The following NEIL3 variants were observed in gnomAD, a reference collection of about 807,000 sequenced individuals.
NEIL3 encodes endonuclease 8-like 3.
Under a neutral mutation model 57.5 loss-of-function variants are expected in NEIL3, and 48 were observed. The observed-to-expected ratio is 0.83, with a 90% CI of 0.66 to 1.06. The LOEUF (loss-of-function observed/expected upper bound fraction) is 1.06, where lower values mean the gene tolerates loss of function less well. Among genes scored for constraint, NEIL3 ranks in the 50% least tolerant of loss-of-function variants. The pLI, the probability that NEIL3 is intolerant of heterozygous loss-of-function variation, is 0.00. For missense variants in NEIL3, 717 were observed against 739.1 expected (o/e 0.97, Z 0.35); for synonymous variants, 261 against 253.2 (o/e 1.03, Z -0.29).
the NEIL3 span, among the ~76,000 whole-genome samples, chr4:177,368,539 G>A: frequency 6.6e-6 from 1 of 152,160 alleles, no homozygotes; most frequent in South Asian, 2.1e-4. Context: ...ATGTTCACTT[G>A]CTTAAGAAAT....
At chr4:177,358,558 C>T (rs1735537294) in intron 8 of NEIL3, among the ~76,000 whole-genome samples, 1 of 152,152 alleles carries the variant, frequency 6.6e-6, no homozygotes, top group South Asian at 2.1e-4. Flanking sequence ...CCGCCCGGCT[C>T]AGCCTCCCAA....
chr4:177,362,552 GA>G lies in NEIL3; in HGVS notation c.*83del. 4.3e-5 allele frequency: 46 copies of G among 1,081,426 alleles called. No individual in the cohort carries two copies. The highest frequency in any genetic ancestry group is 5.7e-5 in the Non-Finnish European group (43 of 755,430). 67.0% of individuals were successfully genotyped at this position (1,081,426 alleles called of 1,614,324 possible). A position where few individuals can be genotyped will look rare whatever the true frequency, so the allele number is the denominator to read the frequency against. ...TCCTCTGTTTCATAGAAAAGTCATAGAATATCTATGATACATTGAAAAGTTA... is the reference window on the plus strand; with the variant it reads ...TCCTCTGTTTCATAGAAAAGTCATAGATATCTATGATACATTGAAAAGTTA... On this transcript the variant is annotated 3_prime_UTR_variant, in exon 10 of 10. Coordinates refer to ENST00000264596, the MANE Select transcript of NEIL3 (RefSeq NM_018248.3).
At chr4:177,369,937 T>C in the NEIL3 span, among the ~76,000 whole-genome samples, 4 of 152,218 alleles carry the variant, frequency 2.6e-5, no homozygotes, top group Non-Finnish European at 5.9e-5. Context: ...GCTACTGTTA[T>C]GTGTCACAAC....
In NEIL3 at chr4:177,338,591, G is replaced by C. The variant is rs34025590; in HGVS notation, c.628-1192G>C. On this transcript the variant is annotated intron_variant, in intron 4 of 9. Transcript: ENST00000264596. ...CAGGCAACAAGCATGAGGCATCAGA[G>C]GGTTTCTTTTGGGATTACCATTGAC... Among the ~76,000 whole-genome samples the C allele has an allele frequency of 9.1e-3, 1,380 of 152,340 alleles. 23 individuals carry two copies. Among genetic ancestry groups the C allele is most frequent in the African/African-American group, 0.032 (1,312 of 41,576 alleles).
At chr4:177,340,023 T>G (rs1006837135) in intron 5 of NEIL3, among the ~76,000 whole-genome samples, 166 bp downstream of exon 5, 1 of 152,232 alleles carries the variant, frequency 6.6e-6, no homozygotes, top group Non-Finnish European at 1.5e-5. Context: ...CTTGAAATTC[T>G]AGGTCATAGG....
chr4:177,332,308 G>A (rs947466503), intron 2 of NEIL3, among the ~76,000 whole-genome samples: 1 of 152,096 alleles, frequency 6.6e-6, no homozygotes, highest in African/African-American at 2.4e-5. Context: ...TTCAACTCTA[G>A]GGACAGATGG....
intron 6 of NEIL3, among the ~76,000 whole-genome samples, chr4:177,349,404 T>C (rs1039152010): frequency 3.9e-5 from 6 of 152,128 alleles, no homozygotes; most frequent in Non-Finnish European, 8.8e-5. Context: ...CTTCCGGTGC[T>C]GCCAGCGTTC....
At chr4:177,367,576 T>C (rs1296419750), downstream of NEIL3, among the ~76,000 whole-genome samples, 1 of 152,136 alleles carries the variant, frequency 6.6e-6, no homozygotes, top group East Asian at 1.9e-4. Context: ...CCACATTGAC[T>C]CCCACAGCAG....
At chr4:177,348,908 C>T (rs1205523960) in intron 6 of NEIL3, among the ~76,000 whole-genome samples, 1 of 120,840 alleles carries the variant, frequency 8.3e-6, no homozygotes, top group African/African-American at 3.2e-5. Flanking sequence ...CGCTCTGTCA[C>T]CCAGGCTGGA....
chr4:177,327,869 A>G (rs1230146541), intron 2 of NEIL3, among the ~76,000 whole-genome samples: 1 of 152,154 alleles, frequency 6.6e-6, no homozygotes, highest in African/African-American at 2.4e-5. Context: ...TAAATTTTGA[A>G]TGAGCCTTGC....
At chr4:177,342,574 A>T (rs538485432) in intron 6 of NEIL3, among the ~76,000 whole-genome samples, 1 of 152,326 alleles carries the variant, frequency 6.6e-6, no homozygotes, top group African/African-American at 2.4e-5. Context: ...TATGTGCAGG[A>T]AGGTTGGGAA....
intron 1 of NEIL3, among the ~76,000 whole-genome samples, chr4:177,314,986 G>A (rs1383167822): frequency 2.0e-5 from 3 of 150,742 alleles, no homozygotes; most frequent in South Asian, 2.1e-4. Context: ...GGAGAATGGC[G>A]TGAACCCAGG....
chr4:177,360,521 G>T lies in NEIL3; in HGVS notation c.1479G>T (p.Met493Ile). 1 of 1,613,528 alleles carries T rather than the reference G, an allele frequency of 6.2e-7. No individual in the cohort carries two copies. Among genetic ancestry groups the T allele is most frequent in the Non-Finnish European group, 8.5e-7 (1 of 1,179,702 alleles). ...ATTACAGTGAACTTCAAATTAATATGACAGATGGCCCTCGTACCTTAAATC... is the reference window on the plus strand; with the variant it reads ...ATTACAGTGAACTTCAAATTAATATTACAGATGGCCCTCGTACCTTAAATC... ...GYSNSELQIN[M>I]TDGPRTLNPD... Residue 493 changes from methionine to isoleucine, a missense_variant, in exon 9 of 10, where the codon ATG (methionine) becomes ATT (isoleucine). Physicochemically the swap from Met to Ile is conservative, Grantham distance 10. Coordinates refer to ENST00000264596, the MANE Select transcript of NEIL3 (RefSeq NM_018248.3).
At chr4:177,334,641 A>G (rs1293443123) in intron 2 of NEIL3, among the ~76,000 whole-genome samples, 1 of 152,218 alleles carries the variant, frequency 6.6e-6, no homozygotes, top group African/African-American at 2.4e-5. Context: ...TCCTGTCAAG[A>G]ACTATGGGGC....
At chr4:177,328,375 A>G (rs941013830) in intron 2 of NEIL3, among the ~76,000 whole-genome samples, 3 of 152,188 alleles carry the variant, frequency 2.0e-5, no homozygotes, top group Admixed American at 2.0e-4. Context: ...CTCAAACCAA[A>G]CCAAATGTCC....
intron 1 of NEIL3, among the ~76,000 whole-genome samples, chr4:177,310,903 A>G (rs1241410349): frequency 6.6e-6 from 1 of 152,234 alleles, no homozygotes; most frequent in African/African-American, 2.4e-5. Flanking sequence ...TGGAAGAAAA[A>G]GTTGCCTGCT....
chr4:177,339,592 C>A (rs1735048846), intron 4 of NEIL3, among the ~76,000 whole-genome samples, 191 bp from the exon 5 acceptor site: 1 of 152,166 alleles, frequency 6.6e-6, no homozygotes, highest in Admixed American at 6.5e-5. Flanking sequence ...GTCTTGCTGT[C>A]TCAGGGATGG....
intron 8 of NEIL3, among the ~76,000 whole-genome samples, chr4:177,358,135 C>A (rs1735519635): frequency 6.6e-6 from 1 of 152,088 alleles, no homozygotes; most frequent in Admixed American, 6.5e-5. Context: ...GCATATGAAT[C>A]ACCTGGGAAT....
At chr4:177,341,981 A>C (rs1321876154) in intron 6 of NEIL3, among the ~76,000 whole-genome samples, 2 of 152,218 alleles carry the variant, frequency 1.3e-5, no homozygotes, top group East Asian at 3.8e-4. Flanking sequence ...TCACTTAGAA[A>C]TAATATTATA....
Sources: gnomAD v4.1 joint callset for allele counts (sites outside exome capture counted in the v4.1 genomes callset) on GRCh38, gnomAD v4.1.1 for gene constraint, MANE v1.5 for transcripts, NCBI Gene and HGNC (gene_info 2026-07-23, HGNC 2026-07-21) for gene names.